Variants in SAMD3 observed in about 807,000 individuals in gnomAD.
SAMD3 encodes the protein sterile alpha motif domain-containing protein 3.
In SAMD3, 63 loss-of-function variants were observed where a neutral mutation model predicts 58.5. That is an observed-to-expected ratio of 1.08 (90% confidence interval 0.88 to 1.33). The LOEUF is 1.33. Among genes scored for constraint, SAMD3 ranks in the 40% most tolerant of loss-of-function variants. SAMD3 has a pLI of 0.00. For synonymous variants in SAMD3, 220 were observed against 210.3 expected, an observed-to-expected ratio of 1.05 and a Z score of -0.40; for missense variants, 604 against 608.4, an observed-to-expected ratio of 0.99 and a Z score of 0.08.
chr6:130,341,548 G>A (rs1349041476), intron 1 of SAMD3, among the ~76,000 whole-genome samples: 1 of 152,186 alleles, frequency 6.6e-6, no homozygotes, highest in Non-Finnish European at 1.5e-5. Context: ...ATATAAAGGT[G>A]AAAGAAAATA....
intron 8 of SAMD3, among the ~76,000 whole-genome samples, chr6:130,173,029 G>A (rs1167964801): frequency 1.3e-5 from 2 of 152,026 alleles, no homozygotes; most frequent in East Asian, 3.9e-4. Context: ...TTCTCGTCCT[G>A]TGTTTTTCAG....
intron 2 of SAMD3, among the ~76,000 whole-genome samples, chr6:130,288,211 T>C (rs1374121707): frequency 6.6e-6 from 1 of 152,172 alleles, no homozygotes; most frequent in Non-Finnish European, 1.5e-5. Flanking sequence ...AGATTGATTT[T>C]AAGGAGTTGG....
intron 2 of SAMD3, among the ~76,000 whole-genome samples, chr6:130,231,685 T>C (rs1796554458): frequency 6.6e-6 from 1 of 152,258 alleles, no homozygotes; most frequent in Admixed American, 6.5e-5. Context: ...TGTGTATGTG[T>C]ATGTGTGTTA....
intron 8 of SAMD3, among the ~76,000 whole-genome samples, chr6:130,172,015 A>C (rs559402218): frequency 1.4e-4 from 21 of 152,248 alleles, no homozygotes; most frequent in Middle Eastern, 3.4e-3. Flanking sequence ...GTTTTATCAG[A>C]GACTAGGATT....
At chr6:130,340,195 T>C (rs1258876153) in intron 1 of SAMD3, among the ~76,000 whole-genome samples, 2 of 152,232 alleles carry the variant, frequency 1.3e-5, no homozygotes, top group African/African-American at 4.8e-5. Flanking sequence ...CAAATTTGTT[T>C]CATAATTCTG....
Position 130,209,566 on chromosome 6 carries a change from C to A in SAMD3, c.312G>T (p.Glu104Asp), listed in dbSNP as rs1795358661. 1 of 1,613,862 alleles carries A rather than the reference C, an allele frequency of 6.2e-7. No individual in the cohort carries two copies. Among genetic ancestry groups the A allele is most frequent in the Non-Finnish European group, 8.5e-7 (1 of 1,179,736 alleles). ...EESSSPARHG[E>D]QMPSFYPAEN... ...CAGCTGGATAGAAAGATGGCATCTG[C>A]TCCCCATGCCTGGCTGGACTGGAGG... is the stretch of plus-strand genomic sequence containing the variant. The change falls in exon 5 of 12, where the codon GAG becomes GAT. Residue 104 changes from glutamate (E) to aspartate (D), a missense_variant. By Grantham distance (45) the Glu-to-Asp change is conservative. Coordinates refer to ENST00000439090, the MANE Select transcript of SAMD3 (RefSeq NM_001017373.4).
At chr6:130,195,795 T>G (rs1160359399) in intron 5 of SAMD3, among the ~76,000 whole-genome samples, 1 of 152,176 alleles carries the variant, frequency 6.6e-6, no homozygotes, top group Non-Finnish European at 1.5e-5. Context: ...AAAACACACG[T>G]GCTCTCCCTG....
chr6:130,144,293 ACT>A (rs1788416878), downstream of SAMD3: 3 of 475,400 alleles, frequency 6.3e-6, no homozygotes, highest in South Asian at 6.5e-5. Flanking sequence ...ATTTCTAAAA[ACT>A]CAAAATAAAT....
At chr6:130,274,132 CT>C (rs1774686771) in intron 2 of SAMD3, among the ~76,000 whole-genome samples, 2 of 152,110 alleles carry the variant, frequency 1.3e-5, no homozygotes, top group South Asian at 4.1e-4. Flanking sequence ...CTCTCCATTT[CT>C]GAAGAACAGT....
chr6:130,346,190 G>T (rs1777444521), intron 1 of SAMD3, among the ~76,000 whole-genome samples: 2 of 152,298 alleles, frequency 1.3e-5, no homozygotes, highest in Middle Eastern at 3.4e-3. Context: ...TGAGGTACTG[G>T]GTTCATCTCA....
intron 2 of SAMD3, among the ~76,000 whole-genome samples, chr6:130,262,775 G>A (rs1774189153): frequency 6.6e-6 from 1 of 152,018 alleles, no homozygotes; most frequent in African/African-American, 2.4e-5. Context: ...TACATTAAAA[G>A]GTTATAAATA....
intron 1 of SAMD3, among the ~76,000 whole-genome samples, chr6:130,343,847 C>G (rs1777352198): frequency 6.6e-6 from 1 of 152,102 alleles, no homozygotes; most frequent in Admixed American, 6.5e-5. Context: ...TGCCTGTAAT[C>G]CCAGCTACTT....
downstream of SAMD3, among the ~76,000 whole-genome samples, chr6:130,143,385 A>T (rs960316357): frequency 1.3e-5 from 2 of 152,188 alleles, no homozygotes; most frequent in Non-Finnish European, 2.9e-5. Flanking sequence ...AGCTGGGACT[A>T]CAGGCATGTG....
At chr6:130,262,900 G>A (rs116039829) in intron 2 of SAMD3, among the ~76,000 whole-genome samples, 4,359 of 152,104 alleles carry the variant, frequency 0.029, 97 homozygotes, top group Non-Finnish European at 0.043. Context: ...CTGTAAACTG[G>A]ACATAAAAAT....
intron 2 of SAMD3, among the ~76,000 whole-genome samples, chr6:130,310,115 T>C (rs1440940054): frequency 1.3e-5 from 2 of 152,228 alleles, no homozygotes; most frequent in Non-Finnish European, 2.9e-5. Context: ...TTCTCTATTC[T>C]TACCTTAGAG....
At chr6:130,194,725 A>T (rs767678714) in intron 5 of SAMD3, among the ~76,000 whole-genome samples, 1 of 152,176 alleles carries the variant, frequency 6.6e-6, no homozygotes, top group Non-Finnish European at 1.5e-5. Context: ...TGTTCAACTC[A>T]CTTGGCAACC....
At chr6:130,301,409 A>C (rs11966784) in intron 2 of SAMD3, among the ~76,000 whole-genome samples, 25,615 of 152,094 alleles carry the variant, frequency 0.17, 2,411 homozygotes, top group East Asian at 0.36. Context: ...GAACTGCATA[A>C]CACTGATGAG....
intron 5 of SAMD3, among the ~76,000 whole-genome samples, chr6:130,184,850 T>G (rs1792785470): frequency 6.6e-6 from 1 of 152,204 alleles, no homozygotes; most frequent in Admixed American, 6.5e-5. Flanking sequence ...TTAGAAAAAG[T>G]CATAATAATA....
chr6:130,319,687 T>A (rs1454470903), intron 1 of SAMD3, among the ~76,000 whole-genome samples: 1 of 152,138 alleles, frequency 6.6e-6, no homozygotes, highest in Non-Finnish European at 1.5e-5. Flanking sequence ...CTATACAAAA[T>A]AATGAAGAGA....
Sources: gnomAD v4.1 joint callset for allele counts (sites outside exome capture counted in the v4.1 genomes callset) on GRCh38, gnomAD v4.1.1 for gene constraint, MANE v1.5 for transcripts, NCBI Gene and HGNC (gene_info 2026-07-23, HGNC 2026-07-21) for gene names.